MACROD2: variants seen among roughly 807,000 people sequenced by gnomAD.
The protein encoded by MACROD2 is ADP-ribose glycohydrolase MACROD2.
Under a neutral mutation model 70.4 loss-of-function variants are expected in MACROD2, and 36 were observed. The observed-to-expected ratio is 0.51, with a 90% CI of 0.39 to 0.68. The LOEUF is 0.68. Ranked by LOEUF, MACROD2 falls within the 30% of genes least tolerant of loss-of-function variation. The pLI is 0.00. For synonymous variants in MACROD2, 172 were observed against 178.8 expected (o/e 0.96, Z 0.30); for missense variants, 496 against 538.4 (o/e 0.92, Z 0.78).
chr20:15,865,250 T>C (rs983210459), intron 9 of MACROD2, among the ~76,000 whole-genome samples: 1 of 152,160 alleles, frequency 6.6e-6, no homozygotes, highest in South Asian at 2.1e-4. Context: ...GATAAAACAA[T>C]AAAAGACTCA....
intron 4 of MACROD2, among the ~76,000 whole-genome samples, chr20:14,535,505 C>CA (rs11357982): frequency 0.017 from 1,071 of 62,432 alleles, 9 homozygotes; most frequent in Non-Finnish European, 0.023. Context: ...AACTCCGTCT[C>CA]AAAAAAAAAA....
chr20:14,100,249 G>A (rs1342146973), intron 3 of MACROD2, among the ~76,000 whole-genome samples: 1 of 151,740 alleles, frequency 6.6e-6, no homozygotes, highest in African/African-American at 2.4e-5. Flanking sequence ...GTCTCAGAAA[G>A]TCTATTTCCA....
chr20:15,725,494 A>G (rs1212378084), intron 8 of MACROD2, among the ~76,000 whole-genome samples: 1 of 150,070 alleles, frequency 6.7e-6, no homozygotes, highest in Non-Finnish European at 1.5e-5. Flanking sequence ...GAGCTTTTAG[A>G]TTTTCTACGT....
intron 3 of MACROD2, among the ~76,000 whole-genome samples, chr20:14,300,297 A>T (rs755210575): frequency 6.6e-6 from 1 of 152,244 alleles, no homozygotes; most frequent in East Asian, 1.9e-4. Context: ...TCTCACAACT[A>T]TTCACAAGTA....
intron 5 of MACROD2, among the ~76,000 whole-genome samples, chr20:14,731,625 G>A (rs1293172461): frequency 2.0e-5 from 3 of 152,164 alleles, no homozygotes; most frequent in East Asian, 1.9e-4. Context: ...TAAAGCACTA[G>A]TATTTAAAGT....
intron 4 of MACROD2, among the ~76,000 whole-genome samples, chr20:14,623,596 G>A (rs906407419): frequency 4.6e-5 from 7 of 152,142 alleles, no homozygotes; most frequent in African/African-American, 1.7e-4. Flanking sequence ...AGTTGTGTTG[G>A]TACACAGAGG....
At chr20:15,014,472 C>G (rs1235319064) in intron 5 of MACROD2, among the ~76,000 whole-genome samples, 1 of 152,144 alleles carries the variant, frequency 6.6e-6, no homozygotes, top group African/African-American at 2.4e-5. Context: ...TGATTAAAAA[C>G]AAACATCACG....
chr20:15,823,444 A>G (rs2063963452), intron 8 of MACROD2, among the ~76,000 whole-genome samples: 4 of 152,200 alleles, frequency 2.6e-5, no homozygotes, highest in African/African-American at 9.6e-5. Flanking sequence ...TTTAGGTTTT[A>G]TAGTCCAAGA....
intron 3 of MACROD2, among the ~76,000 whole-genome samples, chr20:14,465,123 T>C (rs1469770874): frequency 6.6e-6 from 1 of 152,080 alleles, no homozygotes; most frequent in East Asian, 1.9e-4. Flanking sequence ...CTGTCTAATG[T>C]TGACAGTGGG....
rs373488820 is a variant in MACROD2 at position 15,609,735 on chromosome 20, T to C, written c.645+109888T>C. ...TTTCATTGGTTTAAACATATTGCTT[T>C]ATAGAATTTCTGATTTCTCAATGCT... On this transcript the variant is annotated intron_variant, in intron 8 of 17. Transcript: ENST00000684519. Among the ~76,000 whole-genome samples the C allele has an allele frequency of 3.3e-3, 496 of 152,340 alleles. 15 individuals carry two copies. The South Asian group carries it at 0.062, about 19-fold the overall frequency.
intron 13 of MACROD2, among the ~76,000 whole-genome samples, chr20:15,970,160 GA>G (rs2066208747): frequency 6.6e-6 from 1 of 151,978 alleles, no homozygotes; most frequent in Non-Finnish European, 1.5e-5. Flanking sequence ...GTTAATTAAG[GA>G]CATTTTAGAC....
intron 5 of MACROD2, among the ~76,000 whole-genome samples, chr20:15,222,981 C>CA (rs1292428913): frequency 7.2e-5 from 11 of 152,184 alleles, no homozygotes; most frequent in Admixed American, 7.2e-4. Flanking sequence ...ACACCTCTTT[C>CA]AAAGAAAACC....
At chr20:16,000,051 G>A (rs537251246) in intron 15 of MACROD2, among the ~76,000 whole-genome samples, 45 of 152,318 alleles carry the variant, frequency 3.0e-4, no homozygotes, top group African/African-American at 1.0e-3. Flanking sequence ...ATCGCACTCT[G>A]TCAGCCTTTG....
At chr20:15,590,351 A>G (rs1029281151) in intron 8 of MACROD2, among the ~76,000 whole-genome samples, 5 of 152,166 alleles carry the variant, frequency 3.3e-5, no homozygotes, top group Non-Finnish European at 7.4e-5. Flanking sequence ...GGGATTAGGT[A>G]TCTTTCTTAC....
At chr20:15,120,266 G>A (rs1242966102) in intron 5 of MACROD2, among the ~76,000 whole-genome samples, 2 of 114,910 alleles carry the variant, frequency 1.7e-5, no homozygotes, top group Non-Finnish European at 3.3e-5. Flanking sequence ...GGGGGAGTGT[G>A]TGTGTGTGTG....
intron 5 of MACROD2, among the ~76,000 whole-genome samples, chr20:15,064,469 A>T (rs1568555784): frequency 6.6e-6 from 1 of 152,128 alleles, no homozygotes; most frequent in Non-Finnish European, 1.5e-5. Flanking sequence ...TTGCCTTTCT[A>T]ATATTTCACA....
At chr20:14,106,919 A>T (rs1434735017) in intron 3 of MACROD2, among the ~76,000 whole-genome samples, 1 of 152,168 alleles carries the variant, frequency 6.6e-6, no homozygotes, top group East Asian at 1.9e-4. Flanking sequence ...TCTTTCCAAC[A>T]TGGAGGGGCA....
At chr20:16,020,298 C>A (rs1310632805) in intron 15 of MACROD2, among the ~76,000 whole-genome samples, 1 of 152,134 alleles carries the variant, frequency 6.6e-6, no homozygotes, top group Non-Finnish European at 1.5e-5. Flanking sequence ...TTTGCACCTT[C>A]TGCTCTTCCC....
At chr20:15,560,762 CAAAAAAAAAAAA>C (rs71190190) in intron 8 of MACROD2, among the ~76,000 whole-genome samples, 24 of 22,096 alleles carry the variant, frequency 1.1e-3, no homozygotes, top group Middle Eastern at 0.025. Context: ...AACAAAGTCT[CAAAAAAAAAAAA>C]AAAAAAAAAA....
Sources: gnomAD v4.1 joint callset for allele counts (sites outside exome capture counted in the v4.1 genomes callset) on GRCh38, gnomAD v4.1.1 for gene constraint, MANE v1.5 for transcripts, NCBI Gene and HGNC (gene_info 2026-07-23, HGNC 2026-07-21) for gene names.